FBN1: variants seen among roughly 807,000 people sequenced by gnomAD.
The protein encoded by FBN1 is fibrillin-1.
A neutral mutation model predicts 365.1 loss-of-function variants in FBN1; 29 were observed. The observed-to-expected ratio is 0.08, with a 90% CI of 0.06 to 0.11. FBN1 has a LOEUF of 0.11. FBN1 is among the 10% of genes least tolerant of loss of function. FBN1 has a pLI of 1.00. For synonymous variants in FBN1, 1,210 were observed against 1,270.5 expected (o/e 0.95, Z 1.01); for missense variants, 2,476 against 3,703.2 (o/e 0.67, Z 8.60).
intron 31 of FBN1, among the ~76,000 whole-genome samples, chr15:48,483,010 C>CAG (rs1286788730): frequency 6.6e-6 from 1 of 152,174 alleles, no homozygotes; most frequent in Non-Finnish European, 1.5e-5. Flanking sequence ...ATTTACACTT[C>CAG]AGAACAAAGT....
Position 48,421,644 on chromosome 15 carries a change from T to C in FBN1, c.7613A>G (p.Lys2538Arg), listed in dbSNP as rs199605668. The stretch of plus-strand genomic sequence containing the variant: ...TCCAGGAGTGTTCTGGCAAATGCCC[T>C]TAGACCCGCACAGATTGATGTCAGA... The part of the protein sequence containing the change: ...CTSDINLCGS[K>R]GICQNTPGSF... Residue 2538 changes from lysine (K) to arginine (R), a missense_variant, in exon 62 of 66, where the codon AAG becomes AGG. This residue lies in a region of FBN1 where 1,780 missense variants were observed against 2,840.8 expected (regional missense o/e 0.63). Transcript: ENST00000316623. 1 of 1,613,912 alleles carries C rather than the reference T, an allele frequency of 6.2e-7. No homozygotes were observed. The highest frequency in any genetic ancestry group is 1.3e-5 in the African/African-American group (1 of 75,058).
At chr15:48,411,408 T>C (rs2042863008) in intron 65 of FBN1, 29 bp from the exon 66 acceptor site, 2 of 1,604,784 alleles carry the variant, frequency 1.2e-6, no homozygotes, top group South Asian at 1.1e-5. Flanking sequence ...ATATGTTAAA[T>C]ACAATGTACA....
At chr15:48,530,652 C>A (rs1224794978) in intron 8 of FBN1, among the ~76,000 whole-genome samples, 3 of 151,936 alleles carry the variant, frequency 2.0e-5, no homozygotes, top group African/African-American at 4.8e-5. Flanking sequence ...GAGGATGGAG[C>A]CCCATCTATG....
At chr15:48,469,254 T>C (rs1885342188) in intron 36 of FBN1, among the ~76,000 whole-genome samples, 1 of 150,542 alleles carries the variant, frequency 6.6e-6, no homozygotes, top group Admixed American at 6.6e-5. Context: ...TTTAAGAAAA[T>C]ATATTGAGTA....
chr15:48,548,436 C>G (rs1036756030), intron 6 of FBN1, among the ~76,000 whole-genome samples: 5 of 152,224 alleles, frequency 3.3e-5, no homozygotes, highest in African/African-American at 1.2e-4. Flanking sequence ...AGATAGGCCA[C>G]TCTAGTTCTA....
chr15:48,421,939 C>T lies in FBN1; in HGVS notation c.7570+13G>A, dbSNP rs771450142. The T allele has an allele frequency of 6.4e-7, 1 of 1,573,910 alleles. No homozygotes were observed. Among genetic ancestry groups the T allele is most frequent in the East Asian group, 2.2e-5 (1 of 44,702 alleles). On this transcript the variant is annotated intron_variant, in intron 61 of 65. Transcript: ENST00000316623. Reference sequence around the variant, plus strand: ...GCTACAATCCATGTAGGATTTTTTCCTCTCCTACTCACCAATGCAGGACGT... The same window carrying T: ...GCTACAATCCATGTAGGATTTTTTCTTCTCCTACTCACCAATGCAGGACGT...
chr15:48,456,849 T>C (rs1274480929), intron 43 of FBN1, 87 bp from the exon 44 acceptor site: 4 of 1,037,818 alleles, frequency 3.9e-6, no homozygotes, highest in Non-Finnish European at 5.9e-6. Context: ...CGTGCGTGTG[T>C]GTGTGTGTGT....
intron 13 of FBN1, 39 bp downstream of exon 13, chr15:48,513,510 T>C: frequency 6.2e-7 from 1 of 1,613,812 alleles, no homozygotes. Flanking sequence ...CCAGTTAGCA[T>C]ATATGTCCCA....
intron 2 of FBN1, among the ~76,000 whole-genome samples, chr15:48,634,857 CCACACACACACACACA>C (rs57811526): frequency 2.1e-3 from 146 of 69,174 alleles, no homozygotes; most frequent in Middle Eastern, 9.1e-3. Context: ...AAAAAAAAAA[CCACACACACACACACA>C]CACACACACA....
chr15:48,444,962 T>C (rs2043142241), intron 48 of FBN1, among the ~76,000 whole-genome samples: 1 of 151,618 alleles, frequency 6.6e-6, no homozygotes, highest in Non-Finnish European at 1.5e-5. Flanking sequence ...ATATGAGAGC[T>C]TACTACAAAA....
At chr15:48,562,936 T>A (rs2044234439) in intron 6 of FBN1, among the ~76,000 whole-genome samples, 1 of 152,198 alleles carries the variant, frequency 6.6e-6, no homozygotes, top group Non-Finnish European at 1.5e-5. Context: ...GAAGAGATTG[T>A]ACCAAAAGAA....
chr15:48,446,474 T>A (rs1483923803), intron 47 of FBN1, among the ~76,000 whole-genome samples: 1 of 152,182 alleles, frequency 6.6e-6, no homozygotes, highest in African/African-American at 2.4e-5. Flanking sequence ...GTACTATCTG[T>A]GGTTTCAGGC....
At chr15:48,584,373 ACACAAC>A (rs1220123622) in intron 6 of FBN1, among the ~76,000 whole-genome samples, 2 of 152,208 alleles carry the variant, frequency 1.3e-5, no homozygotes, top group African/African-American at 4.8e-5. Flanking sequence ...AATTAGAAAA[ACACAAC>A]TCCTCCTAAT....
intron 15 of FBN1, among the ~76,000 whole-genome samples, chr15:48,505,366 T>C (rs1050775527): frequency 6.6e-6 from 1 of 152,194 alleles, no homozygotes; most frequent in African/African-American, 2.4e-5. Context: ...AAAAAGTAAC[T>C]TTAATATATT....
chr15:48,444,752 G>C, intron 48 of FBN1, 92 bp from the exon 49 acceptor site: 1 of 1,363,674 alleles, frequency 7.3e-7, no homozygotes, highest in Non-Finnish European at 1.0e-6. Flanking sequence ...ATGAATCAAA[G>C]AAATACATAA....
intron 13 of FBN1, among the ~76,000 whole-genome samples, 158 bp downstream of exon 13, chr15:48,513,391 C>T (rs558549082): frequency 1.3e-5 from 2 of 152,294 alleles, no homozygotes; most frequent in Non-Finnish European, 2.9e-5. Context: ...ATGACACTGT[C>T]TTTCAGAATG....
At chr15:48,423,972 G>GC (rs979135844) in intron 60 of FBN1, among the ~76,000 whole-genome samples, 24 of 152,128 alleles carry the variant, frequency 1.6e-4, no homozygotes, top group African/African-American at 5.5e-4. Context: ...AGAATTTTCT[G>GC]CCCCCAGAGG....
chr15:48,576,038 T>A (rs2044344301), intron 6 of FBN1, among the ~76,000 whole-genome samples: 1 of 152,148 alleles, frequency 6.6e-6, no homozygotes, highest in South Asian at 2.1e-4. Context: ...AAAACTCACA[T>A]GGAGTGGTCT....
chr15:48,528,379 T>A, intron 8 of FBN1, among the ~76,000 whole-genome samples: 1 of 152,204 alleles, frequency 6.6e-6, no homozygotes, highest in East Asian at 1.9e-4. Context: ...AGAGTTTGCA[T>A]GTGCTGAGTG....
Sources: allele counts gnomAD v4.1 joint callset (sites outside exome capture counted in the v4.1 genomes callset), GRCh38; gene constraint gnomAD v4.1.1; regional missense constraint gnomAD v4.1.1; transcripts MANE v1.5; gene names NCBI Gene and HGNC (gene_info 2026-07-23, HGNC 2026-07-21).